The following HEATR1 variants were observed in gnomAD, a reference collection of about 807,000 sequenced individuals.
HEATR1 encodes HEAT repeat-containing protein 1.
A neutral mutation model predicts 248.2 loss-of-function variants in HEATR1; 77 were observed. The observed-to-expected ratio is 0.31, with a 90% CI of 0.26 to 0.37. The LOEUF (loss-of-function observed/expected upper bound fraction) is 0.37, where lower values mean the gene tolerates loss of function less well. Among genes scored for constraint, HEATR1 ranks in the 10% least tolerant of loss-of-function variants. The probability of loss-of-function intolerance (pLI) is 1.00; values close to 1 mark genes in which losing one functional copy is unlikely to be tolerated. For missense variants in HEATR1, 2,420 were observed against 2,504.9 expected (o/e 0.97, Z 0.72); for synonymous variants, 897 against 923.1 (o/e 0.97, Z 0.51).
chr1:236,591,608 C>T (rs1664039541), intron 11 of HEATR1, among the ~76,000 whole-genome samples: 1 of 152,064 alleles, frequency 6.6e-6, no homozygotes, highest in African/African-American at 2.4e-5. Context: ...AACCCATCTC[C>T]CCCTTGCTAA....
At chr1:236,573,407 T>C (rs1663482550) in intron 24 of HEATR1, among the ~76,000 whole-genome samples, 1 of 152,198 alleles carries the variant, frequency 6.6e-6, no homozygotes, top group Non-Finnish European at 1.5e-5. Context: ...AGATATCTCT[T>C]TTTATAAGGT....
At chr1:236,594,199 TTC>T (rs1181393698) in intron 8 of HEATR1, 85 bp from the exon 9 acceptor site, 4 of 857,278 alleles carry the variant, frequency 4.7e-6, no homozygotes, top group Non-Finnish European at 7.4e-6. Context: ...CAGAAAATCG[TTC>T]TCAGAATAAA....
intron 30 of HEATR1, 147 bp from the exon 31 acceptor site, chr1:236,566,192 TAAG>T (rs753204873): frequency 8.2e-6 from 6 of 727,336 alleles, no homozygotes; most frequent in Middle Eastern, 3.9e-4. Context: ...ATCCCATGTC[TAAG>T]AAGTCATTTA....
In HEATR1 at chr1:236,572,470, G is replaced by A. The variant is rs1254239326; in HGVS notation, c.3648C>T (p.His1216=). 6.2e-7 allele frequency: 1 copy of A among 1,614,070 alleles called. No individual in the cohort carries two copies. Among genetic ancestry groups the A allele is most frequent in the Non-Finnish European group, 8.5e-7 (1 of 1,179,964 alleles). ...TCTGAGGACTTCTGAGCTTCTTTTTGTGCTGCAGTAATTCCAGGATGAGAG... is the reference window on the plus strand; with the variant it reads ...TCTGAGGACTTCTGAGCTTCTTTTTATGCTGCAGTAATTCCAGGATGAGAG... ...RVTLILELLQ[H]KKKLRSPQIL... Residue 1216 remains histidine, a synonymous_variant, in exon 26 of 45, where the codon CAC becomes CAT. Transcript: ENST00000366582.
intron 44 of HEATR1, 134 bp downstream of exon 44, chr1:236,551,843 CCTGCCTGTATTTGAGACTGGAG>C (rs1210086583): frequency 1.5e-4 from 88 of 584,196 alleles, no homozygotes; most frequent in Middle Eastern, 8.4e-4. Flanking sequence ...GGAGCTCGAG[CCTGCCTGTATTTGAGACTGGAG>C]CTGCCTGTAT....
intron 26 of HEATR1, 98 bp from the exon 27 acceptor site, chr1:236,571,784 C>G (rs1663434590): frequency 2.6e-6 from 2 of 755,896 alleles, no homozygotes; most frequent in Non-Finnish European, 4.4e-6. Context: ...CAATAAGGAA[C>G]TCATTCAATA....
At chr1:236,593,593 A>G (rs1162271256) in intron 9 of HEATR1, among the ~76,000 whole-genome samples, 2 of 150,358 alleles carry the variant, frequency 1.3e-5, no homozygotes, top group East Asian at 1.9e-4. Context: ...AGAAAAAAAA[A>G]AAAAAAAAAA....
intron 8 of HEATR1, 48 bp downstream of exon 8, chr1:236,595,492 A>G: frequency 1.3e-6 from 2 of 1,504,014 alleles, no homozygotes; most frequent in Non-Finnish European, 1.8e-6. Context: ...TACTATTTTA[A>G]GATCAAATCT....
intron 32 of HEATR1, among the ~76,000 whole-genome samples, chr1:236,563,663 A>G (rs1196738985): frequency 6.6e-6 from 1 of 152,202 alleles, no homozygotes; most frequent in Non-Finnish European, 1.5e-5. Flanking sequence ...CTGTTAACGC[A>G]TTATAGGACC....
chr1:236,564,764 A>C (rs1028530635), intron 31 of HEATR1, 103 bp from the exon 32 acceptor site: 5 of 1,088,878 alleles, frequency 4.6e-6, no homozygotes, highest in Non-Finnish European at 6.5e-6. Context: ...TAACGGGATA[A>C]CATTTTCCCA....
intron 14 of HEATR1, 60 bp from the exon 15 acceptor site, chr1:236,586,512 A>T: frequency 8.9e-7 from 1 of 1,124,246 alleles, no homozygotes; most frequent in South Asian, 1.3e-5. Context: ...AATTGGGCAA[A>T]AATTCATCAT....
At chr1:236,593,321 C>G (rs1664090429) in intron 9 of HEATR1, among the ~76,000 whole-genome samples, 1 of 152,004 alleles carries the variant, frequency 6.6e-6, no homozygotes, top group African/African-American at 2.4e-5. Context: ...ATTTTAAGCC[C>G]CAGTCTGATT....
chr1:236,589,052 G>T (rs961689969), intron 12 of HEATR1, among the ~76,000 whole-genome samples: 1 of 152,202 alleles, frequency 6.6e-6, no homozygotes, highest in African/African-American at 2.4e-5. Context: ...AACATGGTAT[G>T]CAAAGGAGGA....
Position 236,564,731 on chromosome 1 carries a change from T to C in HEATR1, c.4436-70A>G, listed in dbSNP as rs149617945. On this transcript the variant is annotated intron_variant, in intron 31 of 44. Transcript: ENST00000366582. ...ATCCTTCATACAGAATTAACAGATA[T>C]AACCTTTCAAGTAAAGGACAATTAA... 5 of 1,406,336 alleles carry C rather than the reference T, an allele frequency of 3.6e-6. No homozygotes were observed. The East Asian group carries it at 6.9e-5, about 20-fold the overall frequency. 87.1% of individuals were successfully genotyped at this position (1,406,336 alleles called of 1,614,324 possible). A position where few individuals can be genotyped will look rare whatever the true frequency, so the allele number is the denominator to read the frequency against.
intron 42 of HEATR1, 122 bp downstream of exon 42, chr1:236,554,476 A>C: frequency 1.2e-6 from 1 of 812,760 alleles, no homozygotes; most frequent in Non-Finnish European, 2.0e-6. Flanking sequence ...CATTAAAAAG[A>C]CCAGAAAAAA....
intron 43 of HEATR1, chr1:236,553,069 T>G (rs1312505725): frequency 6.6e-6 from 1 of 152,238 alleles, no homozygotes; most frequent in Non-Finnish European, 1.5e-5. Flanking sequence ...AGTTTGAAAT[T>G]CGTAACACTT....
intron 1 of HEATR1, 115 bp from the exon 2 acceptor site, chr1:236,604,242 G>A: frequency 1.3e-6 from 1 of 761,400 alleles, no homozygotes; most frequent in Non-Finnish European, 1.9e-6. Context: ...GGTGTCCTGA[G>A]ATTTGTGGAC....
chr1:236,597,049 T>C lies in HEATR1; in HGVS notation c.604-73A>G, dbSNP rs561398082. 9.4e-5 allele frequency: 136 copies of C among 1,440,060 alleles called. 1 individual carries two copies. The highest frequency in any genetic ancestry group is 1.2e-4 in the Non-Finnish European group (129 of 1,058,310). 89.2% of individuals were successfully genotyped at this position (1,440,060 alleles called of 1,614,324 possible). ...TAGAAGGATTGCTTGAGGCCAGGAGTTCAAGGCTGAGATTTCAATGAACTA... is the reference window on the plus strand; with the variant it reads ...TAGAAGGATTGCTTGAGGCCAGGAGCTCAAGGCTGAGATTTCAATGAACTA... On this transcript the variant is annotated intron_variant, in intron 5 of 44. Coordinates refer to ENST00000366582, the MANE Select transcript of HEATR1 (RefSeq NM_018072.6).
intron 29 of HEATR1, among the ~76,000 whole-genome samples, chr1:236,567,658 A>G (rs1005183460): frequency 3.3e-5 from 5 of 152,202 alleles, no homozygotes; most frequent in African/African-American, 1.2e-4. Context: ...GCAGTGACCC[A>G]AGATCATGCC....
Sources: allele counts gnomAD v4.1 joint callset (sites outside exome capture counted in the v4.1 genomes callset), GRCh38; gene constraint gnomAD v4.1.1; transcripts MANE v1.5; gene names NCBI Gene and HGNC (gene_info 2026-07-23, HGNC 2026-07-21).